PCNX1: variants seen among roughly 807,000 people sequenced by gnomAD.
PCNX1 encodes pecanex 1, also known as pecanex-like protein 1.
In PCNX1, 78 loss-of-function variants were observed where a neutral mutation model predicts 242.2. That is an observed-to-expected ratio of 0.32 (90% CI 0.27 to 0.39). The LOEUF is 0.39. Ranked by LOEUF, PCNX1 falls within the 10% of genes least tolerant of loss-of-function variation. The probability of loss-of-function intolerance (pLI) is 1.00; values close to 1 mark genes in which losing one functional copy is unlikely to be tolerated. For synonymous variants in PCNX1, 1,024 were observed against 1,032.9 expected (o/e 0.99, Z 0.17); for missense variants, 2,581 against 2,856.5 (o/e 0.90, Z 2.20).
At chr14:71,040,214 T>C (rs2060665137) in intron 19 of PCNX1, among the ~76,000 whole-genome samples, 1 of 152,198 alleles carries the variant, frequency 6.6e-6, no homozygotes, top group Non-Finnish European at 1.5e-5. Context: ...TAAGTCCTTA[T>C]TTCGCTATTG....
At chr14:71,007,754 T>G (rs944371983) in intron 8 of PCNX1, among the ~76,000 whole-genome samples, 2 of 152,322 alleles carry the variant, frequency 1.3e-5, no homozygotes, top group African/African-American at 4.8e-5. Flanking sequence ...AAAACTGCAA[T>G]TAAAATTTTT....
chr14:71,042,177 G>A (rs1248334268), intron 19 of PCNX1, among the ~76,000 whole-genome samples: 1 of 152,100 alleles, frequency 6.6e-6, no homozygotes, highest in South Asian at 2.1e-4. Flanking sequence ...ATAAATGTCT[G>A]CTAGGTCCAT....
intron 6 of PCNX1, among the ~76,000 whole-genome samples, chr14:70,982,268 G>T (rs992103287): frequency 6.6e-5 from 10 of 152,122 alleles, no homozygotes; most frequent in Non-Finnish European, 4.4e-5. Context: ...TTAATTTTCT[G>T]ATTTCCCAGT....
At chr14:70,983,749 G>T (rs1295637632) in intron 6 of PCNX1, among the ~76,000 whole-genome samples, 1 of 151,498 alleles carries the variant, frequency 6.6e-6, no homozygotes, top group Non-Finnish European at 1.5e-5. Flanking sequence ...CCCAGAAAAT[G>T]ACACTTAAAA....
chr14:70,975,026 ATACT>A (rs1231984069), intron 5 of PCNX1, among the ~76,000 whole-genome samples: 1 of 152,190 alleles, frequency 6.6e-6, no homozygotes, highest in Non-Finnish European at 1.5e-5. Context: ...TTAAAATGAA[ATACT>A]TACATTTCTG....
At chr14:70,994,400 T>TAGATAGATAGATAG (rs1286445755) in intron 7 of PCNX1, among the ~76,000 whole-genome samples, 1 of 31,758 alleles carries the variant, frequency 3.1e-5, no homozygotes, top group African/African-American at 1.1e-4. Context: ...GCTTAAGATA[T>TAGATAGATAGATAG]ATATATATAT....
At position 70,931,342 on chromosome 14, in the gene PCNX1, C is replaced by G. The variant is rs544300394; in HGVS notation, c.154-15573C>G. Among the ~76,000 whole-genome samples, 802 of 152,300 alleles carry G rather than the reference C, an allele frequency of 5.3e-3. 3 individuals carry two copies. The highest frequency in any genetic ancestry group is 8.2e-3 in the Non-Finnish European group (561 of 68,032). ...GAGCTTTACAAAAAAATGGTTAATTCTTTTTCCCATTAGTAATTTGCCCAC... is the reference window on the plus strand; with the variant it reads ...GAGCTTTACAAAAAAATGGTTAATTGTTTTTCCCATTAGTAATTTGCCCAC... On this transcript the variant is annotated intron_variant, in intron 1 of 35. Coordinates refer to ENST00000304743, the MANE Select transcript of PCNX1 (RefSeq NM_014982.3).
chr14:70,949,260 C>T (rs1351516632), intron 2 of PCNX1, among the ~76,000 whole-genome samples: 256 of 23,662 alleles, frequency 0.011, 1 homozygote, highest in African/African-American at 0.03. Context: ...TATACACACA[C>T]ACGTGTATGC....
At chr14:71,054,726 C>T (rs2061134127) in intron 24 of PCNX1, among the ~76,000 whole-genome samples, 1 of 152,138 alleles carries the variant, frequency 6.6e-6, no homozygotes, top group Admixed American at 6.6e-5. Flanking sequence ...CGTTGTACTT[C>T]AGAAGGCAGC....
rs77366842 is a variant in PCNX1, at chr14:70,985,880, T to C, written c.2312-2687T>C. On this transcript the variant is annotated intron_variant, in intron 6 of 35. Coordinates refer to ENST00000304743, the MANE Select transcript of PCNX1 (RefSeq NM_014982.3). Reference sequence around the variant, plus strand: ...TTTTTAAAGTATTTTCTCCCTTCTCTCTGATTCCCTAGTTAAAAGATTAAA... The same window carrying C: ...TTTTTAAAGTATTTTCTCCCTTCTCCCTGATTCCCTAGTTAAAAGATTAAA... Among the ~76,000 whole-genome samples the C allele has an allele frequency of 2.4e-3, 367 of 152,320 alleles. 3 individuals carry two copies. The highest frequency in any genetic ancestry group is 8.2e-3 in the African/African-American group (341 of 41,570).
chr14:70,968,413 C>T (rs1028673215), intron 4 of PCNX1, among the ~76,000 whole-genome samples, 170 bp downstream of exon 4: 5 of 152,162 alleles, frequency 3.3e-5, no homozygotes, highest in African/African-American at 9.7e-5. Context: ...ATTGTGTTCT[C>T]TTTCATCATC....
intron 30 of PCNX1, among the ~76,000 whole-genome samples, chr14:71,100,953 C>T (rs2062446693): frequency 6.6e-6 from 1 of 152,194 alleles, no homozygotes. Flanking sequence ...ATTATCAACT[C>T]AACCTACTTG....
chr14:70,981,002 C>T lies in PCNX1; in HGVS notation c.2311+2354C>T, dbSNP rs1386627687. On this transcript the variant is annotated intron_variant, in intron 6 of 35. Transcript: ENST00000304743. ...AATTTAGGAAATAGACTTTAAAGTA[C>T]TAAAATAAAGTATGCTAAAATAGGA... Among the ~76,000 whole-genome samples, 2 of 152,024 alleles carry T rather than the reference C, an allele frequency of 1.3e-5. 1 individual carries two copies. The highest frequency in any genetic ancestry group is 4.8e-5 in the African/African-American group (2 of 41,418).
rs377293408 is a variant in PCNX1, at chr14:71,108,985, A to G, written c.6683A>G (p.Asn2228Ser). The change falls in exon 34 of 36, where the codon AAC becomes AGC. Residue 2228 changes from asparagine to serine, a missense_variant. Physicochemically the swap from Asn to Ser is conservative, Grantham distance 46 (BLOSUM62 1). Coordinates refer to ENST00000304743, the MANE Select transcript of PCNX1 (RefSeq NM_014982.3). Reference sequence around the variant, plus strand: ...AGTGCCACTGATGCACAGCCAGGCAACACCTTAAGTCCTGCCAACAATTCA... The same window carrying G: ...AGTGCCACTGATGCACAGCCAGGCAGCACCTTAAGTCCTGCCAACAATTCA... The part of the protein sequence containing the change: ...QSSATDAQPG[N>S]TLSPANNSHS... The G allele has an allele frequency of 6.2e-6, 10 of 1,614,102 alleles. No homozygotes were observed. Among genetic ancestry groups the G allele is most frequent in the Non-Finnish European group, 8.5e-6 (10 of 1,180,036 alleles).
At chr14:71,106,736 A>T (rs754954598) in intron 33 of PCNX1, among the ~76,000 whole-genome samples, 2 of 152,128 alleles carry the variant, frequency 1.3e-5, no homozygotes, top group Non-Finnish European at 2.9e-5. Flanking sequence ...TAATGAATTT[A>T]TCAGCAGCTC....
intron 11 of PCNX1, among the ~76,000 whole-genome samples, chr14:71,014,098 T>C (rs577705850): frequency 1.3e-5 from 2 of 152,292 alleles, no homozygotes; most frequent in East Asian, 1.9e-4. Flanking sequence ...GCACTGGGAA[T>C]AGTACATGTC....
At chr14:70,912,581 A>G (rs1490753463) in intron 1 of PCNX1, among the ~76,000 whole-genome samples, 2 of 151,496 alleles carry the variant, frequency 1.3e-5, no homozygotes, top group Non-Finnish European at 2.9e-5. Flanking sequence ...TCACTCTGTC[A>G]TGTTAGTTAA....
chr14:71,044,550 A>G (rs2060804006), intron 19 of PCNX1: 1 of 152,450 alleles, frequency 6.6e-6, no homozygotes, highest in Admixed American at 6.5e-5. Context: ...GAAGGAACAG[A>G]TGACCCTCCT....
intron 12 of PCNX1, among the ~76,000 whole-genome samples, chr14:71,022,428 A>G (rs754164977): frequency 8.5e-5 from 13 of 152,204 alleles, no homozygotes; most frequent in Non-Finnish European, 1.9e-4. Context: ...AAGCATTTAG[A>G]AGATAGGCGC....
Sources: allele counts gnomAD v4.1 joint callset (sites outside exome capture counted in the v4.1 genomes callset), GRCh38; gene constraint gnomAD v4.1.1; transcripts MANE v1.5; gene names NCBI Gene and HGNC (gene_info 2026-07-23, HGNC 2026-07-21).